EPB41L3: variants seen among roughly 807,000 people sequenced by gnomAD.
The protein encoded by EPB41L3 is band 4.1-like protein 3.
In EPB41L3, 57 loss-of-function variants were observed where a neutral mutation model predicts 127.1. The observed-to-expected ratio is 0.45, with a 90% CI of 0.36 to 0.56. The LOEUF (loss-of-function observed/expected upper bound fraction) is 0.56, where lower values mean the gene tolerates loss of function less well. EPB41L3 is among the 20% of genes least tolerant of loss of function. EPB41L3 has a pLI of 0.00. For synonymous variants in EPB41L3, 572 were observed against 549.5 expected (o/e 1.04, Z -0.57); for missense variants, 1,273 against 1,372.2 (o/e 0.93, Z 1.14).
chr18:5,453,653 A>ATCT lies in EPB41L3; in HGVS notation c.382-8412_382-8410dup, dbSNP rs1366320238. Among the ~76,000 whole-genome samples, 23 of 152,246 alleles carry ATCT rather than the reference A, an allele frequency of 1.5e-4. No individual in the cohort carries two copies. In the South Asian group the frequency reaches 3.7e-3, roughly 25 times the overall value. ...AAGTACTTCATTCTCTCCATCACCTATCTTCCTCAAATAGACCCCTGATTT... is the reference window on the plus strand; with the variant it reads ...AAGTACTTCATTCTCTCCATCACCTATCTTCTTCCTCAAATAGACCCCTGATTT... On this transcript the variant is annotated intron_variant, in intron 3 of 22. Transcript: ENST00000341928.
chr18:5,404,175 TAA>T (rs907658806), intron 16 of EPB41L3, among the ~76,000 whole-genome samples: 1 of 152,202 alleles, frequency 6.6e-6, no homozygotes, highest in Non-Finnish European at 1.5e-5. Flanking sequence ...CCCTGACACC[TAA>T]AGAGATCCCT....
At chr18:5,590,176 C>A (rs2094473611) in intron 3 of EPB41L3, among the ~76,000 whole-genome samples, 1 of 152,150 alleles carries the variant, frequency 6.6e-6, no homozygotes. Flanking sequence ...ATCCCCTTCG[C>A]TTTGGGCTTT....
intron 3 of EPB41L3, among the ~76,000 whole-genome samples, chr18:5,475,169 G>A (rs139361653): frequency 9.9e-4 from 151 of 151,840 alleles, no homozygotes; most frequent in African/African-American, 3.4e-3. Flanking sequence ...TATAATTCTC[G>A]CTGAATATGC....
chr18:5,612,166 G>A (rs1227284144), intron 3 of EPB41L3, among the ~76,000 whole-genome samples: 1 of 151,926 alleles, frequency 6.6e-6, no homozygotes, highest in Non-Finnish European at 1.5e-5. Flanking sequence ...ATCTTGAAAG[G>A]AAAGCATGAA....
At chr18:5,515,345 C>A (rs989943391) in intron 1 of EPB41L3, among the ~76,000 whole-genome samples, 2 of 152,102 alleles carry the variant, frequency 1.3e-5, no homozygotes, top group African/African-American at 4.8e-5. Flanking sequence ...GCTTGGGTAG[C>A]AAATATGAAT....
chr18:5,411,476 A>T (rs1195584364), intron 13 of EPB41L3, among the ~76,000 whole-genome samples: 1 of 152,138 alleles, frequency 6.6e-6, no homozygotes, highest in Non-Finnish European at 1.5e-5. Flanking sequence ...TTTTGAGGAG[A>T]ATGAGAACAG....
At chr18:5,574,187 C>A (rs931927393) in intron 3 of EPB41L3, among the ~76,000 whole-genome samples, 2 of 151,984 alleles carry the variant, frequency 1.3e-5, no homozygotes, top group African/African-American at 4.8e-5. Flanking sequence ...TACTTTAATT[C>A]GCTAGTGATT....
chr18:5,493,358 C>T (rs1056468280), intron 1 of EPB41L3, among the ~76,000 whole-genome samples: 3 of 152,142 alleles, frequency 2.0e-5, no homozygotes, highest in Admixed American at 6.5e-5. Context: ...ACCTGTCTAA[C>T]GAGTATATAG....
At chr18:5,456,479 T>TA (rs936417959) in intron 3 of EPB41L3, among the ~76,000 whole-genome samples, 1 of 152,174 alleles carries the variant, frequency 6.6e-6, no homozygotes, top group African/African-American at 2.4e-5. Context: ...AATAAGTGGT[T>TA]AAAAAAACAG....
At chr18:5,459,267 G>A (rs938425031) in intron 3 of EPB41L3, among the ~76,000 whole-genome samples, 3 of 152,056 alleles carry the variant, frequency 2.0e-5, no homozygotes, top group Non-Finnish European at 2.9e-5. Flanking sequence ...ACCCCATTTC[G>A]AAAAGAAACC....
chr18:5,454,729 A>G (rs948159220), intron 3 of EPB41L3, among the ~76,000 whole-genome samples: 2 of 152,242 alleles, frequency 1.3e-5, no homozygotes, highest in Non-Finnish European at 2.9e-5. Context: ...CATTTAATCA[A>G]GTTAGCAATA....
chr18:5,577,682 G>C (rs773518858), intron 3 of EPB41L3: 30 of 160,066 alleles, frequency 1.9e-4, no homozygotes, highest in Non-Finnish European at 3.8e-4. Context: ...GATCCCAGCA[G>C]CAGAGAAACA....
At chr18:5,405,874 T>C (rs1370848536) in intron 16 of EPB41L3, among the ~76,000 whole-genome samples, 1 of 151,222 alleles carries the variant, frequency 6.6e-6, no homozygotes, top group Non-Finnish European at 1.5e-5. Flanking sequence ...GAAATAACCT[T>C]ACTTAAAAAA....
intron 8 of EPB41L3, chr18:5,431,188 T>C (rs903420958): frequency 1.3e-5 from 2 of 152,098 alleles, no homozygotes; most frequent in Non-Finnish European, 2.9e-5. Flanking sequence ...AACAAAGCAT[T>C]TGGGTTTTCC....
intron 3 of EPB41L3, among the ~76,000 whole-genome samples, chr18:5,470,058 G>A (rs978934577): frequency 7.2e-5 from 11 of 152,146 alleles, no homozygotes; most frequent in East Asian, 5.8e-4. Context: ...GATTATAGAC[G>A]TGAGCCACCG....
chr18:5,512,416 G>T, intron 1 of EPB41L3, among the ~76,000 whole-genome samples: 2 of 152,268 alleles, frequency 1.3e-5, no homozygotes, highest in South Asian at 4.2e-4. Flanking sequence ...CTTTGTTTGG[G>T]TGGGGGCTGG....
intron 3 of EPB41L3, among the ~76,000 whole-genome samples, chr18:5,606,882 TTCTCTC>T (rs59299599): frequency 0.42 from 59,856 of 141,326 alleles, 13,193 homozygotes; most frequent in African/African-American, 0.6. Flanking sequence ...CATGGCGTCA[TTCTCTC>T]TCTCTCTCTC....
intron 3 of EPB41L3, among the ~76,000 whole-genome samples, chr18:5,566,865 T>G (rs1384061691): frequency 6.6e-6 from 1 of 151,806 alleles, no homozygotes. Flanking sequence ...GAGAGTGCAG[T>G]GGCGCCAACG....
chr18:5,465,421 G>A (rs2084778779), intron 3 of EPB41L3, among the ~76,000 whole-genome samples: 1 of 152,132 alleles, frequency 6.6e-6, no homozygotes, highest in Admixed American at 6.5e-5. Context: ...ATATTTTTCG[G>A]TGTCTTATAT....
Sources: gnomAD v4.1 joint callset for allele counts (sites outside exome capture counted in the v4.1 genomes callset) on GRCh38, gnomAD v4.1.1 for gene constraint, MANE v1.5 for transcripts, NCBI Gene and HGNC (gene_info 2026-07-23, HGNC 2026-07-21) for gene names.